The following CDH8 variants were observed in gnomAD, a reference collection of about 807,000 sequenced individuals.
CDH8 encodes cadherin 8, also known as cadherin-8.
A neutral mutation model predicts 68.1 loss-of-function variants in CDH8; 17 were observed. That is an observed-to-expected ratio of 0.25 (90% CI 0.17 to 0.37). The LOEUF (loss-of-function observed/expected upper bound fraction) is 0.37, where lower values mean the gene tolerates loss of function less well. Ranked by LOEUF, CDH8 falls within the 10% of genes least tolerant of loss-of-function variation. CDH8 has a pLI of 1.00. For synonymous variants in CDH8, 372 were observed against 365.1 expected, an observed-to-expected ratio of 1.02 and a Z score of -0.21; for missense variants, 763 against 999.3, an observed-to-expected ratio of 0.76 and a Z score of 3.19.
intron 2 of CDH8, among the ~76,000 whole-genome samples, chr16:61,994,261 A>T (rs2150591760): frequency 6.6e-6 from 1 of 152,190 alleles, no homozygotes; most frequent in African/African-American, 2.4e-5. Context: ...TTCAGAATTC[A>T]TTTTAAATTT....
At chr16:61,796,904 G>A (rs1341799425) in intron 7 of CDH8, among the ~76,000 whole-genome samples, 3 of 152,068 alleles carry the variant, frequency 2.0e-5, no homozygotes, top group African/African-American at 4.8e-5. Context: ...CACTGGTGTA[G>A]TGGTTGAGAA....
intron 8 of CDH8, among the ~76,000 whole-genome samples, chr16:61,755,087 T>C (rs1471086052): frequency 2.0e-5 from 3 of 152,152 alleles, no homozygotes; most frequent in East Asian, 3.8e-4. Context: ...CAAGTCAATA[T>C]AGGAGATACA....
At chr16:61,789,547 C>T in intron 7 of CDH8, 65 bp from the exon 8 acceptor site, 2 of 1,412,196 alleles carry the variant, frequency 1.4e-6, no homozygotes, top group East Asian at 2.6e-5. Flanking sequence ...CCACAGCAGA[C>T]CTTTAGTAAT....
intron 3 of CDH8, among the ~76,000 whole-genome samples, chr16:61,897,758 G>A (rs551040841): frequency 1.3e-5 from 2 of 152,086 alleles, no homozygotes; most frequent in African/African-American, 2.4e-5. Context: ...CTAGATGAAA[G>A]GATGAATTAG....
intron 4 of CDH8, among the ~76,000 whole-genome samples, chr16:61,853,493 C>T (rs1455286037): frequency 1.3e-5 from 2 of 152,026 alleles, no homozygotes; most frequent in Non-Finnish European, 2.9e-5. Context: ...GTCACAATAT[C>T]GATCATTTTA....
intron 10 of CDH8, among the ~76,000 whole-genome samples, chr16:61,670,917 T>C (rs1325193980): frequency 6.6e-6 from 1 of 152,050 alleles, no homozygotes; most frequent in African/African-American, 2.4e-5. Flanking sequence ...AATTTATAAC[T>C]TATGAATTGT....
At chr16:61,907,519 A>C (rs1343994232) in intron 2 of CDH8, among the ~76,000 whole-genome samples, 3 of 151,996 alleles carry the variant, frequency 2.0e-5, no homozygotes, top group Non-Finnish European at 4.4e-5. Flanking sequence ...TATCTAAAAA[A>C]AATAGAAAAA....
rs149155669 is a variant in CDH8 at position 61,817,405 on chromosome 16, G to T, written c.1277+74C>A. 10,949 of 1,465,720 alleles carry T rather than the reference G, an allele frequency of 7.5e-3. 46 individuals carry two copies. The highest frequency in any genetic ancestry group is 9.4e-3 in the Non-Finnish European group (9,892 of 1,048,276). 90.8% of individuals were successfully genotyped at this position (1,465,720 alleles called of 1,614,324 possible). On this transcript the variant is annotated intron_variant, in intron 7 of 11. Transcript: ENST00000577390. The stretch of plus-strand genomic sequence containing the variant: ...AGTCCCAAGGAGAGCCCCACAGAAG[G>T]TACAAGCAAAGGCATTTTTCACTGA...
At chr16:61,920,812 T>C (rs200885182) in intron 2 of CDH8, among the ~76,000 whole-genome samples, 4,984 of 78,520 alleles carry the variant, frequency 0.063, 163 homozygotes, top group East Asian at 0.18. Flanking sequence ...CACGTATGTT[T>C]ATTGCGGCAT....
intron 8 of CDH8, 34 bp from the exon 9 acceptor site, chr16:61,727,249 G>T: frequency 1.3e-6 from 2 of 1,557,040 alleles, no homozygotes; most frequent in African/African-American, 1.4e-5. Flanking sequence ...CAGCATTGAG[G>T]GTATTTCATT....
At chr16:61,955,545 TTGAC>T (rs1168449202) in intron 2 of CDH8, among the ~76,000 whole-genome samples, 1 of 152,174 alleles carries the variant, frequency 6.6e-6, no homozygotes, top group Non-Finnish European at 1.5e-5. Context: ...TAAATTTAGT[TTGAC>T]TGAAATTTTT....
At chr16:61,962,157 A>AGAGGAG (rs750665758) in intron 2 of CDH8, among the ~76,000 whole-genome samples, 57 of 152,168 alleles carry the variant, frequency 3.7e-4, no homozygotes, top group African/African-American at 1.3e-3. Flanking sequence ...GAGTAGCTGA[A>AGAGGAG]GAGGAGGAGG....
At chr16:61,844,597 T>G (rs1962765358) in intron 4 of CDH8, among the ~76,000 whole-genome samples, 1 of 152,182 alleles carries the variant, frequency 6.6e-6, no homozygotes, top group African/African-American at 2.4e-5. Flanking sequence ...CAATTCCCAT[T>G]TTTAAATGCA....
At chr16:61,717,852 T>G (rs1394174504) in intron 9 of CDH8, among the ~76,000 whole-genome samples, 1 of 151,458 alleles carries the variant, frequency 6.6e-6, no homozygotes, top group Non-Finnish European at 1.5e-5. Context: ...CAGGTACATT[T>G]TTGCATCATC....
intron 1 of CDH8, among the ~76,000 whole-genome samples, chr16:62,030,054 C>A (rs992327585): frequency 2.0e-5 from 3 of 152,148 alleles, no homozygotes; most frequent in African/African-American, 7.2e-5. Flanking sequence ...TGTGTAGTAA[C>A]CATGCTTACA....
intron 7 of CDH8, among the ~76,000 whole-genome samples, chr16:61,815,529 C>T (rs1200848358): frequency 6.6e-6 from 1 of 152,134 alleles, no homozygotes; most frequent in Non-Finnish European, 1.5e-5. Flanking sequence ...TGATTAAGAT[C>T]GTGTCTCTGC....
At chr16:62,031,743 G>A (rs1470846566) in intron 1 of CDH8, among the ~76,000 whole-genome samples, 3 of 150,860 alleles carry the variant, frequency 2.0e-5, no homozygotes, top group African/African-American at 7.3e-5. Context: ...ATAGGAAATA[G>A]CACATGACAT....
intron 2 of CDH8, among the ~76,000 whole-genome samples, chr16:61,911,623 A>ACC (rs5817326): frequency 2.1e-5 from 3 of 145,540 alleles, no homozygotes; most frequent in South Asian, 4.4e-4. Context: ...AATTCCCTAA[A>ACC]CCCCCCCCCA....
At chr16:61,679,919 C>T (rs988956702) in intron 10 of CDH8, among the ~76,000 whole-genome samples, 14 of 151,952 alleles carry the variant, frequency 9.2e-5, no homozygotes, top group Non-Finnish European at 1.9e-4. Flanking sequence ...GAAAGTTCCT[C>T]ATTGTATTGT....
Sources: gnomAD v4.1 joint callset for allele counts (sites outside exome capture counted in the v4.1 genomes callset) on GRCh38, gnomAD v4.1.1 for gene constraint, MANE v1.5 for transcripts, NCBI Gene and HGNC (gene_info 2026-07-23, HGNC 2026-07-21) for gene names.